CTNNAL1: variants seen among roughly 807,000 people sequenced by gnomAD.
CTNNAL1 encodes alpha-catulin.
In CTNNAL1, 69 loss-of-function variants were observed where a neutral mutation model predicts 93.6. The observed-to-expected ratio is 0.74, with a 90% CI of 0.61 to 0.90. The LOEUF is 0.90. Among genes scored for constraint, CTNNAL1 ranks in the 40% least tolerant of loss-of-function variants. The probability of loss-of-function intolerance (pLI) is 0.00; values close to 1 mark genes in which losing one functional copy is unlikely to be tolerated. For synonymous variants in CTNNAL1, 286 were observed against 305.4 expected (o/e 0.94, Z 0.66); for missense variants, 836 against 862.0 (o/e 0.97, Z 0.38).
At chr9:108,968,043 C>G (rs1241316320) in intron 10 of CTNNAL1, among the ~76,000 whole-genome samples, 1 of 152,156 alleles carries the variant, frequency 6.6e-6, no homozygotes, top group African/African-American at 2.4e-5. Context: ...ACTTGCCAAG[C>G]AGATGGCAGT....
At chr9:108,973,714 T>C (rs949482512) in intron 8 of CTNNAL1, among the ~76,000 whole-genome samples, 1 of 151,950 alleles carries the variant, frequency 6.6e-6, no homozygotes, top group African/African-American at 2.4e-5. Flanking sequence ...GACAGGTTAT[T>C]TTGGGGTTGT....
chr9:109,012,974 G>A (rs534139063), intron 1 of CTNNAL1, among the ~76,000 whole-genome samples: 50 of 152,316 alleles, frequency 3.3e-4, no homozygotes, highest in African/African-American at 1.2e-3. Context: ...TCGCCCCGCG[G>A]AGGGGGCATC....
intron 1 of CTNNAL1, among the ~76,000 whole-genome samples, chr9:109,005,993 A>C (rs1438797375): frequency 6.6e-6 from 1 of 152,216 alleles, no homozygotes; most frequent in Non-Finnish European, 1.5e-5. Context: ...TCTTTATTTA[A>C]GGTCTACTTA....
chr9:108,945,960 G>A (rs1830392430), intron 15 of CTNNAL1, among the ~76,000 whole-genome samples: 1 of 152,026 alleles, frequency 6.6e-6, no homozygotes, highest in Admixed American at 6.6e-5. Context: ...CTCAGAAAAT[G>A]GCACTACCAC....
chr9:108,987,545 G>GT (rs1398331938), intron 4 of CTNNAL1, among the ~76,000 whole-genome samples: 1 of 151,142 alleles, frequency 6.6e-6, no homozygotes, highest in South Asian at 2.1e-4. Flanking sequence ...CTTTAAAGTA[G>GT]TTTTTTCCAA....
chr9:108,950,546 A>G lies in CTNNAL1; in HGVS notation c.1835+1663T>C, dbSNP rs934996691. On this transcript the variant is annotated intron_variant, in intron 14 of 18. Coordinates refer to ENST00000325551, the MANE Select transcript of CTNNAL1 (RefSeq NM_003798.4). ...AGAAAAGGTAGAAGACGTCATCAAG[A>G]GGAAAATGATGCCTCTAAGCTTGGG... The G allele has an allele frequency of 5.2e-6, 8 of 1,550,356 alleles. No homozygotes were observed. In the African/African-American group the frequency reaches 1.1e-4, roughly 21 times the overall value.
At chr9:108,943,164 AG>A in intron 17 of CTNNAL1, 120 bp from the exon 18 acceptor site, 1 of 941,764 alleles carries the variant, frequency 1.1e-6, no homozygotes, top group South Asian at 1.8e-5. Context: ...ATCTTGAAAG[AG>A]ATATGGATTT....
intron 4 of CTNNAL1, among the ~76,000 whole-genome samples, chr9:108,989,577 T>C (rs1222519591): frequency 1.3e-5 from 2 of 152,188 alleles, no homozygotes; most frequent in Non-Finnish European, 2.9e-5. Context: ...GACTAGCCTA[T>C]GGGACTACAC....
intron 2 of CTNNAL1, among the ~76,000 whole-genome samples, chr9:108,993,264 G>A (rs1587981740): frequency 6.6e-6 from 1 of 152,274 alleles, no homozygotes; most frequent in East Asian, 1.9e-4. Context: ...AACGGCCTTG[G>A]GTTTTCACCC....
At chr9:108,992,590 C>T (rs1440252934) in intron 3 of CTNNAL1, 42 bp downstream of exon 3, 2 of 1,557,124 alleles carry the variant, frequency 1.3e-6, no homozygotes, top group Admixed American at 1.9e-5. Context: ...CTTTGAACAA[C>T]ACAGAAAGAC....
chr9:108,954,648 G>GT lies in CTNNAL1; in HGVS notation c.1629+1141dup, dbSNP rs1175519517. On this transcript the variant is annotated intron_variant, in intron 12 of 18. Coordinates refer to ENST00000325551, the MANE Select transcript of CTNNAL1 (RefSeq NM_003798.4). ...GACAATAGCTTAAGGCACAAAAACT[G>GT]TTTTTTTTAAGTCACAGAATTAATT... is the stretch of plus-strand genomic sequence containing the variant. 5.9e-5 allele frequency among the ~76,000 whole-genome samples: 9 copies of GT among 151,924 alleles called. No individual in the cohort carries two copies. The South Asian group carries it at 6.3e-4, about 11-fold the overall frequency.
chr9:108,979,576 T>A, intron 6 of CTNNAL1, 95 bp from the exon 7 acceptor site: 1 of 1,126,106 alleles, frequency 8.9e-7, no homozygotes, highest in Non-Finnish European at 1.3e-6. Flanking sequence ...AGGAAAACAC[T>A]AGCATTTCCT....
At chr9:108,975,321 G>A (rs1366124808) in intron 8 of CTNNAL1, among the ~76,000 whole-genome samples, 1 of 140,252 alleles carries the variant, frequency 7.1e-6, no homozygotes, top group Non-Finnish European at 1.6e-5. Context: ...GGATAAAGGG[G>A]TTGAGGGGCA....
chr9:109,009,307 T>G (rs76339687), intron 1 of CTNNAL1, among the ~76,000 whole-genome samples: 1 of 356 alleles, frequency 2.8e-3, no homozygotes, highest in African/African-American at 0.1. Context: ...TACTGCCCTA[T>G]TTTTTTTTTT....
At chr9:108,980,015 A>T (rs544221420) in intron 6 of CTNNAL1, among the ~76,000 whole-genome samples, 31 of 152,276 alleles carry the variant, frequency 2.0e-4, no homozygotes, top group Non-Finnish European at 4.1e-4. Context: ...CCCCAACAGC[A>T]CCTTACTGAC....
intron 7 of CTNNAL1, 64 bp downstream of exon 7, chr9:108,979,217 C>A (rs891759893): frequency 2.7e-5 from 43 of 1,584,708 alleles, no homozygotes; most frequent in Non-Finnish European, 3.7e-5. Flanking sequence ...ACTTCCATAT[C>A]TTGCAAAACT....
chr9:108,996,454 T>C (rs1224157793), intron 2 of CTNNAL1, among the ~76,000 whole-genome samples: 1 of 152,194 alleles, frequency 6.6e-6, no homozygotes, highest in South Asian at 2.1e-4. Context: ...ATCATTCTCA[T>C]ACTCTTACCT....
chr9:108,968,258 C>G (rs1359777750), intron 10 of CTNNAL1, among the ~76,000 whole-genome samples: 2 of 152,212 alleles, frequency 1.3e-5, no homozygotes, highest in Admixed American at 6.5e-5. Context: ...CAGAGGCATG[C>G]TCAATGTCCT....
intron 4 of CTNNAL1, among the ~76,000 whole-genome samples, chr9:108,988,525 T>C (rs1418165959): frequency 6.6e-6 from 1 of 152,224 alleles, no homozygotes; most frequent in East Asian, 1.9e-4. Context: ...AGAGTGATAC[T>C]GTTAAAATGT....
Sources: allele counts gnomAD v4.1 joint callset (sites outside exome capture counted in the v4.1 genomes callset), GRCh38; gene constraint gnomAD v4.1.1; transcripts MANE v1.5; gene names NCBI Gene and HGNC (gene_info 2026-07-23, HGNC 2026-07-21).